Variants in RAD23B observed in about 807,000 individuals in gnomAD.
The protein encoded by RAD23B is lysine-specific demethylase RAD23B.
A neutral mutation model predicts 49.1 loss-of-function variants in RAD23B; 5 were observed. That is an observed-to-expected ratio of 0.10 (90% CI 0.05 to 0.21). The LOEUF (loss-of-function observed/expected upper bound fraction) is 0.21. Ranked by LOEUF, RAD23B falls within the 10% of genes least tolerant of loss-of-function variation. RAD23B has a pLI of 1.00. For missense variants in RAD23B, 356 were observed against 486.7 expected (o/e 0.73, Z 2.53); for synonymous variants, 184 against 165.4 (o/e 1.11, Z -0.86).
chr9:107,305,879 G>T (rs1012183513), intron 3 of RAD23B, among the ~76,000 whole-genome samples: 2 of 151,890 alleles, frequency 1.3e-5, no homozygotes, highest in East Asian at 3.9e-4. Context: ...GGAGCCCGTG[G>T]TGGGAGGATT....
At chr9:107,319,667 A>C (rs959187331) in intron 6 of RAD23B, among the ~76,000 whole-genome samples, 4 of 152,158 alleles carry the variant, frequency 2.6e-5, no homozygotes, top group Non-Finnish European at 5.9e-5. Flanking sequence ...TCATGCATTT[A>C]ATGAATGATG....
rs1244831507 is a variant in RAD23B at position 107,324,952 on chromosome 9, G to T, written c.1064G>T (p.Gly355Val). 2 of 1,613,674 alleles carry T rather than the reference G, an allele frequency of 1.2e-6. No individual in the cohort carries two copies. The highest frequency in any genetic ancestry group is 2.2e-5 in the South Asian group (2 of 91,044). ...GSGGIAEAGS[G>V]HMNYIQVTPQ... ...GGAGGAATTGCAGAAGCTGGAAGTG[G>T]TCATATGAACTACATTCAAGTAACA... Residue 355 changes from glycine to valine, a missense_variant, in exon 9 of 10, where the codon GGT becomes GTT. Transcript: ENST00000358015.
At chr9:107,313,135 C>T (rs970207630) in intron 5 of RAD23B, among the ~76,000 whole-genome samples, 4 of 152,038 alleles carry the variant, frequency 2.6e-5, no homozygotes, top group African/African-American at 9.7e-5. Context: ...GCTGTGACAC[C>T]ACTCTTTTCC....
At chr9:107,317,095 CGTGTGTGTGTGT>C (rs10603112) in intron 5 of RAD23B, among the ~76,000 whole-genome samples, 2 of 149,912 alleles carry the variant, frequency 1.3e-5, no homozygotes, top group East Asian at 4.0e-4. Context: ...CACACGCGTG[CGTGTGTGTGTGT>C]GTGTGTGTGT....
At chr9:107,304,862 A>C (rs1826728339) in intron 3 of RAD23B, among the ~76,000 whole-genome samples, 1 of 152,174 alleles carries the variant, frequency 6.6e-6, no homozygotes, top group Non-Finnish European at 1.5e-5. Context: ...ATACCTTTTG[A>C]CTTGCCCAAA....
intron 1 of RAD23B, among the ~76,000 whole-genome samples, chr9:107,294,783 G>A (rs954322899): frequency 1.3e-5 from 2 of 152,178 alleles, no homozygotes; most frequent in Non-Finnish European, 2.9e-5. Flanking sequence ...AAATACAGAT[G>A]ACATCTGCAT....
At chr9:107,325,189 C>T (rs1215979319) in intron 9 of RAD23B, 185 bp downstream of exon 9, 28 of 427,190 alleles carry the variant, frequency 6.6e-5, no homozygotes, top group South Asian at 4.2e-4. Context: ...TGGCACATAC[C>T]TGTAATCTCA....
At chr9:107,292,960 G>A (rs1833413335) in intron 1 of RAD23B, among the ~76,000 whole-genome samples, 1 of 152,150 alleles carries the variant, frequency 6.6e-6, no homozygotes, top group Admixed American at 6.5e-5. Context: ...ATTTCTGTGA[G>A]TCAGAAATTC....
At position 107,330,694 on chromosome 9, in the gene RAD23B, A is replaced by G. The variant is rs1236892083; in HGVS notation, c.*1038A>G. On this transcript the variant is annotated 3_prime_UTR_variant, in exon 10 of 10. Transcript: ENST00000358015. This position sits in a 1 kb window ranked among gnomAD's most constrained non-coding sequence, Gnocchi z 4.4. ...TAAATGTGTTTCTTTATTAGATAAG[A>G]GTGTATTACCATTAAAGTCATTAGT... The G allele has an allele frequency of 6.6e-6, 1 of 152,652 alleles. No individual in the cohort carries two copies. The highest frequency in any genetic ancestry group is 1.5e-5 in the Non-Finnish European group (1 of 68,048). 9.5% of individuals were successfully genotyped at this position (152,652 alleles called of 1,614,324 possible).
intron 1 of RAD23B, chr9:107,284,002 A>T: frequency 9.1e-7 from 1 of 1,094,508 alleles, no homozygotes; most frequent in Non-Finnish European, 1.1e-6. Flanking sequence ...GGGGATGGGA[A>T]GGTCCAGGCC....
intron 4 of RAD23B, among the ~76,000 whole-genome samples, chr9:107,311,319 G>A (rs1826883493): frequency 1.3e-5 from 2 of 151,886 alleles, no homozygotes; most frequent in Admixed American, 1.3e-4. Flanking sequence ...TATTTCTTCT[G>A]GTGTGACTTG....
At chr9:107,303,101 A>G (rs1046878367) in intron 3 of RAD23B, among the ~76,000 whole-genome samples, 1 of 152,216 alleles carries the variant, frequency 6.6e-6, no homozygotes, top group Non-Finnish European at 1.5e-5. Context: ...TTAAAGATAT[A>G]TAATGCAGTG....
At chr9:107,317,833 C>T (rs778529451) in intron 5 of RAD23B, among the ~76,000 whole-genome samples, 1 of 152,050 alleles carries the variant, frequency 6.6e-6, no homozygotes, top group Non-Finnish European at 1.5e-5. Flanking sequence ...TAAGAAGTGA[C>T]TTGGAATATT....
intron 1 of RAD23B, among the ~76,000 whole-genome samples, 157 bp downstream of exon 1, chr9:107,283,852 C>T (rs1364532680): frequency 6.6e-6 from 1 of 152,188 alleles, no homozygotes; most frequent in Non-Finnish European, 1.5e-5. Context: ...TACAGCGGAG[C>T]CGATCCTCCT....
chr9:107,318,072 C>T lies in RAD23B; in HGVS notation c.554-680C>T, dbSNP rs1827030580. Among the ~76,000 whole-genome samples, 1 of 152,056 alleles carries T rather than the reference C, an allele frequency of 6.6e-6. No individual in the cohort carries two copies. Among genetic ancestry groups the T allele is most frequent in the South Asian group, 2.1e-4 (1 of 4,830 alleles). ...TGACCTCCTGCTAATTCTCCCTTAC[C>T]TTCATACCTCATTTTTCTATTGTAC... On this transcript the variant is annotated intron_variant, in intron 5 of 9. Coordinates refer to ENST00000358015, the MANE Select transcript of RAD23B (RefSeq NM_002874.5). The surrounding 1 kb of genome is among the most constrained non-coding windows in gnomAD (Gnocchi z 4.3).
intron 1 of RAD23B, among the ~76,000 whole-genome samples, chr9:107,298,565 A>G (rs1253365524): frequency 7.4e-6 from 1 of 135,244 alleles, no homozygotes; most frequent in Non-Finnish European, 1.5e-5. Context: ...TCCTGGCCTC[A>G]GGTGATCCTC....
At chr9:107,286,755 C>G (rs1833278883) in intron 1 of RAD23B, among the ~76,000 whole-genome samples, 1 of 152,102 alleles carries the variant, frequency 6.6e-6, no homozygotes, top group Non-Finnish European at 1.5e-5. Flanking sequence ...TGATAGAGCA[C>G]TGCTTCTCTG....
chr9:107,325,885 G>A (rs1325005114), intron 9 of RAD23B, among the ~76,000 whole-genome samples: 2 of 152,130 alleles, frequency 1.3e-5, no homozygotes, highest in Non-Finnish European at 2.9e-5. Context: ...TTTTGTGGAT[G>A]CCCTTTATCA....
chr9:107,318,823 G>A lies in RAD23B; in HGVS notation c.625G>A (p.Ala209Thr). The A allele has an allele frequency of 6.2e-7, 1 of 1,613,514 alleles. No individual in the cohort carries two copies. Among genetic ancestry groups the A allele is most frequent in the South Asian group, 1.1e-5 (1 of 91,066 alleles). The change falls in exon 6 of 10, where the codon GCA (alanine) becomes ACA (threonine). Residue 209 changes from alanine (A) to threonine (T), a missense_variant. Ala to Thr is a moderately conservative substitution (Grantham distance 58). This residue lies in a region of RAD23B where 148 missense variants were observed against 231.7 expected (regional missense o/e 0.64). Transcript: ENST00000358015. This position sits in a 1 kb window ranked among gnomAD's most constrained non-coding sequence, Gnocchi z 4.3. ...SMGYEREQVIAALRASFNNPD... is the reference protein window; with the variant it reads ...SMGYEREQVITALRASFNNPD... ...GGGCTATGAACGAGAGCAAGTAATT[G>A]CAGCCCTGAGAGCCAGTTTCAACAA...
Sources: gnomAD v4.1 joint callset for allele counts (sites outside exome capture counted in the v4.1 genomes callset) on GRCh38, gnomAD v4.1.1 for gene constraint, gnomAD v4.1.1 regional missense constraint, Gnocchi (gnomAD v3.1) non-coding constraint, MANE v1.5 for transcripts, NCBI Gene and HGNC (gene_info 2026-07-23, HGNC 2026-07-21) for gene names.